Variants in BICDL1 observed in about 807,000 individuals in gnomAD.
The protein encoded by BICDL1 is BICD family-like cargo adapter 1.
A neutral mutation model predicts 76.8 loss-of-function variants in BICDL1; 20 were observed. The ratio of observed to expected loss-of-function variants is 0.26; its 90% CI spans 0.18 to 0.38. BICDL1 has a LOEUF of 0.38. BICDL1 is among the 10% of genes least tolerant of loss of function. The pLI is 1.00. For missense variants in BICDL1, 700 were observed against 798.6 expected (o/e 0.88, Z 1.49); for synonymous variants, 383 against 337.1 (o/e 1.14, Z -1.49).
intron 2 of BICDL1, among the ~76,000 whole-genome samples, chr12:120,016,955 C>A (rs911176385): frequency 6.6e-6 from 1 of 152,154 alleles, no homozygotes; most frequent in African/African-American, 2.4e-5. Flanking sequence ...TGCAGTGGCA[C>A]GATCTCGGCT....
chr12:120,081,671 A>C (rs2138988275), intron 8 of BICDL1, among the ~76,000 whole-genome samples: 1 of 151,432 alleles, frequency 6.6e-6, no homozygotes, highest in African/African-American at 2.4e-5. Flanking sequence ...GTATGTATAT[A>C]TCTACCTCAC....
chr12:120,000,615 G>T (rs776109440), intron 2 of BICDL1: 1 of 152,004 alleles, frequency 6.6e-6, no homozygotes, highest in Non-Finnish European at 1.5e-5. Context: ...ATTTCTTGGG[G>T]GCTAAGTTCA....
chr12:120,082,869 G>C (rs928930539), intron 8 of BICDL1, among the ~76,000 whole-genome samples: 1 of 151,462 alleles, frequency 6.6e-6, no homozygotes, highest in Admixed American at 6.6e-5. Context: ...GCGCCCAGCC[G>C]TGTTTATTTT....
At chr12:120,042,009 G>A (rs986179062) in intron 2 of BICDL1, among the ~76,000 whole-genome samples, 1 of 152,060 alleles carries the variant, frequency 6.6e-6, no homozygotes, top group Admixed American at 6.6e-5. Context: ...TTGCTGTGCT[G>A]CAGAGAGTAG....
intron 2 of BICDL1, among the ~76,000 whole-genome samples, chr12:120,019,513 A>T (rs1952136508): frequency 6.6e-6 from 1 of 152,150 alleles, no homozygotes; most frequent in African/African-American, 2.4e-5. Context: ...AAAATTTAAT[A>T]TTTTTTTCAA....
chr12:120,001,339 C>T (rs1465258334), intron 2 of BICDL1, among the ~76,000 whole-genome samples: 11 of 152,048 alleles, frequency 7.2e-5, no homozygotes, highest in East Asian at 3.9e-4. Flanking sequence ...CTCCGCCTCC[C>T]GGGTTCATGA....
intron 9 of BICDL1, chr12:120,091,348 G>T (rs1874950357): frequency 1.0e-6 from 1 of 1,000,674 alleles, no homozygotes; most frequent in Non-Finnish European, 1.2e-6. Flanking sequence ...ATTGCTTAAA[G>T]TTAAAAAAAT....
At chr12:119,990,834 T>G (rs183631420) in intron 1 of BICDL1, among the ~76,000 whole-genome samples, 1 of 152,334 alleles carries the variant, frequency 6.6e-6, no homozygotes, top group East Asian at 1.9e-4. Context: ...GTGGTTCCAT[T>G]GCAGAAATCA....
At chr12:120,050,928 G>A (rs1952845386) in intron 2 of BICDL1, among the ~76,000 whole-genome samples, 1 of 151,360 alleles carries the variant, frequency 6.6e-6, no homozygotes, top group Non-Finnish European at 1.5e-5. Context: ...CACTGGGCCT[G>A]GCCTGGGTTT....
intron 1 of BICDL1, among the ~76,000 whole-genome samples, chr12:119,994,034 G>C (rs755851567): frequency 2.3e-4 from 35 of 152,204 alleles, no homozygotes; most frequent in Non-Finnish European, 4.9e-4. Context: ...TATGAAGTAA[G>C]ACAGTAACTT....
intron 2 of BICDL1, among the ~76,000 whole-genome samples, chr12:120,018,566 A>G (rs1952112739): frequency 1.3e-5 from 2 of 152,170 alleles, no homozygotes; most frequent in African/African-American, 4.8e-5. Context: ...CTGTAGTGAA[A>G]TGAATGCAGG....
chr12:120,032,934 A>T (rs1952453346), intron 2 of BICDL1, among the ~76,000 whole-genome samples: 1 of 151,796 alleles, frequency 6.6e-6, no homozygotes, highest in Non-Finnish European at 1.5e-5. Context: ...TTTAGTAGAG[A>T]TAGGGTTTCA....
chr12:120,050,912 A>G (rs1443420459), intron 2 of BICDL1, among the ~76,000 whole-genome samples: 3 of 152,026 alleles, frequency 2.0e-5, no homozygotes, highest in African/African-American at 7.2e-5. Flanking sequence ...GATTACAGAC[A>G]TGAGCCACTG....
chr12:120,035,190 G>A (rs772477414), intron 2 of BICDL1, among the ~76,000 whole-genome samples: 10 of 152,136 alleles, frequency 6.6e-5, no homozygotes, highest in Non-Finnish European at 1.3e-4. Context: ...ACAAAAATTA[G>A]CCGGGTGTGG....
intron 2 of BICDL1, among the ~76,000 whole-genome samples, chr12:120,040,787 G>T (rs989330746): frequency 1.5e-5 from 2 of 136,286 alleles, no homozygotes; most frequent in Admixed American, 7.6e-5. Flanking sequence ...TCACTCTGTC[G>T]CTCAGACTGG....
intron 2 of BICDL1, among the ~76,000 whole-genome samples, chr12:120,001,638 C>T (rs1481978605): frequency 2.0e-5 from 3 of 152,202 alleles, no homozygotes; most frequent in South Asian, 2.1e-4. Flanking sequence ...TTGATACCTT[C>T]GTCCAGAGTT....
At chr12:120,031,264 CA>C (rs1952417861) in intron 2 of BICDL1, among the ~76,000 whole-genome samples, 1 of 147,474 alleles carries the variant, frequency 6.8e-6, no homozygotes, top group African/African-American at 2.5e-5. Context: ...AGTGCAGTGG[CA>C]CAATCTCAGC....
intron 2 of BICDL1, among the ~76,000 whole-genome samples, chr12:120,012,852 T>G (rs1350794159): frequency 6.6e-6 from 1 of 152,078 alleles, no homozygotes; most frequent in Admixed American, 6.6e-5. Context: ...TTATAAAATA[T>G]GAATATAAGA....
At chr12:120,027,069 C>T (rs7964192) in intron 2 of BICDL1, among the ~76,000 whole-genome samples, 12,068 of 131,724 alleles carry the variant, frequency 0.092, 630 homozygotes, top group African/African-American at 0.15. Flanking sequence ...CTTGCACTGT[C>T]GCCTGGGCTG....
Sources: allele counts gnomAD v4.1 joint callset (sites outside exome capture counted in the v4.1 genomes callset), GRCh38; gene constraint gnomAD v4.1.1; transcripts MANE v1.5; gene names NCBI Gene and HGNC (gene_info 2026-07-23, HGNC 2026-07-21).